ZDHHC20: variants seen among roughly 807,000 people sequenced by gnomAD.
The protein encoded by ZDHHC20 is palmitoyltransferase ZDHHC20.
A neutral mutation model predicts 57.8 loss-of-function variants in ZDHHC20; 43 were observed. The observed-to-expected ratio is 0.74, with a 90% CI of 0.58 to 0.96. The LOEUF (loss-of-function observed/expected upper bound fraction) is 0.96, where lower values mean the gene tolerates loss of function less well. Ranked by LOEUF, ZDHHC20 falls within the 40% of genes least tolerant of loss-of-function variation. ZDHHC20 has a pLI of 0.00. For missense variants in ZDHHC20, 391 were observed against 441.1 expected, an observed-to-expected ratio of 0.89 and a Z score of 1.02; for synonymous variants, 157 against 153.0, an observed-to-expected ratio of 1.03 and a Z score of -0.19.
At chr13:21,402,507 A>G (rs923917329) in intron 5 of ZDHHC20, among the ~76,000 whole-genome samples, 1 of 152,196 alleles carries the variant, frequency 6.6e-6, no homozygotes, top group African/African-American at 2.4e-5. Context: ...TTCCTTCAAC[A>G]TATTATCTCC....
chr13:21,374,699 C>T lies in ZDHHC20; in HGVS notation c.*1997G>A, dbSNP rs1871767853. ...AAAAAAGTTGCCTCCTTTTAAAATC[C>T]AATATTAGTATGGCTGATGGAAATT... On this transcript the variant is annotated 3_prime_UTR_variant, in exon 13 of 13. Transcript: ENST00000400590. 20 of 242,746 alleles carry T rather than the reference C, an allele frequency of 8.2e-5. 1 individual carries two copies. The South Asian group carries it at 1.0e-3, about 12-fold the overall frequency. 15.0% of individuals were successfully genotyped at this position (242,746 alleles called of 1,614,324 possible). A position where few individuals can be genotyped will look rare whatever the true frequency, so the allele number is the denominator to read the frequency against.
rs561283043 is a variant in ZDHHC20 at position 21,443,712 on chromosome 13, T to C, written c.118+15342A>G. On this transcript the variant is annotated intron_variant, in intron 1 of 12. Coordinates refer to ENST00000400590, the MANE Select transcript of ZDHHC20 (RefSeq NM_001330059.2). ...GATATAGACAGACCACTTAATTACTTAGCGCATTAAATGCATGAATAGTAA... is the reference window on the plus strand; with the variant it reads ...GATATAGACAGACCACTTAATTACTCAGCGCATTAAATGCATGAATAGTAA... Among the ~76,000 whole-genome samples, 10 of 152,370 alleles carry C rather than the reference T, an allele frequency of 6.6e-5. No homozygotes were observed. In the South Asian group the frequency reaches 1.7e-3, roughly 25 times the overall value.
At chr13:21,430,120 T>C (rs965788618) in intron 1 of ZDHHC20, among the ~76,000 whole-genome samples, 17 of 152,190 alleles carry the variant, frequency 1.1e-4, no homozygotes, top group Non-Finnish European at 4.4e-5. Flanking sequence ...TGGTTCTTGG[T>C]AGGATGGATG....
chr13:21,381,467 C>T lies in ZDHHC20; in HGVS notation c.1027G>A (p.Glu343Lys), dbSNP rs781713814. 6.2e-7 allele frequency: 1 copy of T among 1,613,888 alleles called. No individual in the cohort carries two copies. The highest frequency in any genetic ancestry group is 8.5e-7 in the Non-Finnish European group (1 of 1,179,862). ...RLLDSESQWL[E>K]NGAEEGIVKS... ...ACGATGCCTTCTTCAGCTCCATTCT[C>T]CAGCCACTGAGATTCACTGTCCAAC... The change falls in exon 11 of 13, where the codon GAG (glutamate) becomes AAG (lysine). Residue 343 changes from glutamate (E) to lysine (K), a missense_variant. Glu to Lys is a moderately conservative substitution (Grantham distance 56, BLOSUM62 1). Coordinates refer to ENST00000400590, the MANE Select transcript of ZDHHC20 (RefSeq NM_001330059.2).
In ZDHHC20 at chr13:21,411,237, G is replaced by A. The variant is rs542047556; in HGVS notation, c.370+2415C>T. 7.9e-5 allele frequency among the ~76,000 whole-genome samples: 12 copies of A among 152,266 alleles called. No individual in the cohort carries two copies. The South Asian group carries it at 2.3e-3, about 29-fold the overall frequency. On this transcript the variant is annotated intron_variant, in intron 4 of 12. Coordinates refer to ENST00000400590, the MANE Select transcript of ZDHHC20 (RefSeq NM_001330059.2). ...TGAGATGAAGAGGGTACCTCAGTTG[G>A]AAATGCAAAAATCACCTGCCTTCTG... is the stretch of plus-strand genomic sequence containing the variant.
intron 7 of ZDHHC20, among the ~76,000 whole-genome samples, chr13:21,397,663 A>G (rs1372765553): frequency 6.6e-6 from 1 of 152,174 alleles, no homozygotes; most frequent in Non-Finnish European, 1.5e-5. Flanking sequence ...CCTATCTCAA[A>G]AAACAAAACA....
chr13:21,422,517 A>C (rs1880759094), intron 2 of ZDHHC20, among the ~76,000 whole-genome samples: 1 of 152,166 alleles, frequency 6.6e-6, no homozygotes. Flanking sequence ...CCAGTCACGC[A>C]GTTGACCAAT....
chr13:21,424,215 A>G lies in ZDHHC20; in HGVS notation c.145+1437T>C, dbSNP rs183874501. On this transcript the variant is annotated intron_variant, in intron 2 of 12. Transcript: ENST00000400590. ...AAATTAATGTGATTATCAATAGGCA[A>G]ACTTCTGGTTACATATACATGCTAT... Among the ~76,000 whole-genome samples the G allele has an allele frequency of 4.3e-3, 662 of 152,326 alleles. 2 individuals carry two copies. The highest frequency in any genetic ancestry group is 0.015 in the African/African-American group (622 of 41,562).
At chr13:21,425,914 T>C (rs1351644865) in intron 1 of ZDHHC20, among the ~76,000 whole-genome samples, 1 of 152,192 alleles carries the variant, frequency 6.6e-6, no homozygotes, top group East Asian at 1.9e-4. Context: ...TTCAGAACTT[T>C]ATTAATTTTA....
intron 12 of ZDHHC20, among the ~76,000 whole-genome samples, chr13:21,378,335 G>C (rs544330330): frequency 1.2e-4 from 19 of 152,228 alleles, no homozygotes; most frequent in Admixed American, 7.8e-4. Context: ...GCTGGAATTA[G>C]AGGTGTGAGC....
chr13:21,389,902 T>G (rs1875349095), intron 8 of ZDHHC20, among the ~76,000 whole-genome samples: 1 of 152,212 alleles, frequency 6.6e-6, no homozygotes, highest in South Asian at 2.1e-4. Context: ...ACTTTGCCTG[T>G]AGGCTGCCTT....
intron 7 of ZDHHC20, among the ~76,000 whole-genome samples, chr13:21,396,590 C>T (rs12430301): frequency 0.51 from 77,907 of 152,058 alleles, 20,464 homozygotes; most frequent in Non-Finnish European, 0.58. Context: ...CCCAGTATTT[C>T]AGGAGGCCGA....
At chr13:21,422,344 G>A (rs1880739729) in intron 2 of ZDHHC20, among the ~76,000 whole-genome samples, 1 of 151,564 alleles carries the variant, frequency 6.6e-6, no homozygotes, top group Non-Finnish European at 1.5e-5. Context: ...TTGAAGTACT[G>A]TCCTTCCTTT....
At chr13:21,457,868 AT>A (rs1205091322) in intron 1 of ZDHHC20, among the ~76,000 whole-genome samples, 6 of 152,228 alleles carry the variant, frequency 3.9e-5, no homozygotes, top group Non-Finnish European at 5.9e-5. Context: ...GTGGTTCGTT[AT>A]TCAAAGAACA....
intron 12 of ZDHHC20, among the ~76,000 whole-genome samples, chr13:21,377,370 G>A (rs1282415720): frequency 9.5e-3 from 986 of 104,174 alleles, no homozygotes; most frequent in Middle Eastern, 0.025. Flanking sequence ...TCTGCCCGAC[G>A]TGACCTCCAC....
chr13:21,452,555 TAC>T (rs1450495805), intron 1 of ZDHHC20, among the ~76,000 whole-genome samples: 1 of 152,134 alleles, frequency 6.6e-6, no homozygotes, highest in Non-Finnish European at 1.5e-5. Flanking sequence ...TAGGAATAAA[TAC>T]ATATATTTTG....
intron 1 of ZDHHC20, among the ~76,000 whole-genome samples, chr13:21,450,588 A>G (rs1415672928): frequency 3.3e-5 from 5 of 152,186 alleles, no homozygotes; most frequent in Admixed American, 6.5e-5. Flanking sequence ...GAGAAAAAAA[A>G]CTTTTTCTTC....
At chr13:21,409,482 T>C (rs1011422771) in intron 4 of ZDHHC20, among the ~76,000 whole-genome samples, 62 of 152,370 alleles carry the variant, frequency 4.1e-4, no homozygotes, top group African/African-American at 1.5e-3. Context: ...TTATTGTGTC[T>C]ATTTGATTCT....
chr13:21,376,678 T>C (rs1484167038), intron 12 of ZDHHC20, 23 bp from the exon 13 acceptor site: 19 of 1,383,108 alleles, frequency 1.4e-5, no homozygotes, highest in Non-Finnish European at 1.9e-5. Context: ...AAACAAATTA[T>C]TGGTTAAAAC....
Sources: gnomAD v4.1 joint callset for allele counts (sites outside exome capture counted in the v4.1 genomes callset) on GRCh38, gnomAD v4.1.1 for gene constraint, MANE v1.5 for transcripts, NCBI Gene and HGNC (gene_info 2026-07-23, HGNC 2026-07-21) for gene names.